Variants in CELSR1 observed in about 807,000 individuals in gnomAD.
The protein encoded by CELSR1 is adhesion G protein-coupled receptor C1.
Under a neutral mutation model 249.1 loss-of-function variants are expected in CELSR1, and 110 were observed. The observed-to-expected ratio is 0.44, with a 90% CI of 0.38 to 0.52. CELSR1 has a LOEUF of 0.52. Ranked by LOEUF, CELSR1 falls within the 20% of genes least tolerant of loss-of-function variation. The pLI is 0.00. For synonymous variants in CELSR1, 2,113 were observed against 1,900.0 expected, an observed-to-expected ratio of 1.11 and a Z score of -2.92; for missense variants, 4,109 against 4,296.4, an observed-to-expected ratio of 0.96 and a Z score of 1.22.
Position 46,369,689 on chromosome 22 carries a change from C to CA in CELSR1, c.7872+2dup. On this transcript the variant is annotated splice_region_variant and intron_variant, in intron 26 of 34. Coordinates refer to ENST00000674500, the MANE Select transcript of CELSR1 (RefSeq NM_001378328.1). ...CGGACTCCCGTGAAGGCCCCACACTCACGATTATAACAGCTCCGATGGGCC... is the reference window on the plus strand; with the variant it reads ...CGGACTCCCGTGAAGGCCCCACACTCAACGATTATAACAGCTCCGATGGGCC... 2 of 1,612,986 alleles carry CA rather than the reference C, an allele frequency of 1.2e-6. No individual in the cohort carries two copies.
chr22:46,367,245 A>C, intron 28 of CELSR1, 127 bp from the exon 29 acceptor site: 1 of 1,298,884 alleles, frequency 7.7e-7, no homozygotes, highest in Non-Finnish European at 1.0e-6. Flanking sequence ...GGCCCAGGAC[A>C]CGGCCAGGCC....
At chr22:46,524,401 G>A (rs1244157051) in intron 1 of CELSR1, among the ~76,000 whole-genome samples, 2 of 152,160 alleles carry the variant, frequency 1.3e-5, no homozygotes, top group African/African-American at 2.4e-5. Context: ...AACAAGGCCC[G>A]CAGCTCTGAG....
intron 2 of CELSR1, among the ~76,000 whole-genome samples, chr22:46,456,478 TGACACCCCGTCTC>T (rs2079951527): frequency 6.6e-6 from 1 of 151,564 alleles, no homozygotes; most frequent in Non-Finnish European, 1.5e-5. Context: ...GTTAACAAGG[TGACACCCCGTCTC>T]TACTAAAAAA....
intron 2 of CELSR1, 72 bp downstream of exon 2, chr22:46,463,635 A>C (rs1049599432): frequency 2.8e-6 from 4 of 1,416,790 alleles, no homozygotes; most frequent in Non-Finnish European, 3.7e-6. Flanking sequence ...TAAACAGAGG[A>C]AACCACCTGA....
chr22:46,392,260 T>G (rs1229763056), intron 14 of CELSR1, among the ~76,000 whole-genome samples: 1 of 152,236 alleles, frequency 6.6e-6, no homozygotes, highest in Non-Finnish European at 1.5e-5. Flanking sequence ...CCTGGGTTCA[T>G]GCCTGACCCT....
At position 46,526,905 on chromosome 22, in the gene CELSR1, T is replaced by C. The variant is rs1432836720; in HGVS notation, c.3544+6722A>G. Reference sequence around the variant, plus strand: ...ACACGGGGCCAAAAATGGCCTCACGTCTTCTCACCAAAGCCGATTCCCGGT... The same window carrying C: ...ACACGGGGCCAAAAATGGCCTCACGCCTTCTCACCAAAGCCGATTCCCGGT... On this transcript the variant is annotated intron_variant, in intron 1 of 34. Transcript: ENST00000674500. This position sits in a 1 kb window ranked among gnomAD's most constrained non-coding sequence, Gnocchi z 4.7. 6.6e-6 allele frequency among the ~76,000 whole-genome samples: 1 copy of C among 152,160 alleles called. No homozygotes were observed. The highest frequency in any genetic ancestry group is 1.5e-5 in the Non-Finnish European group (1 of 68,024).
At position 46,402,246 on chromosome 22, in the gene CELSR1, C is replaced by T. The variant is rs2079217558; in HGVS notation, c.5227-2344G>A. Among the ~76,000 whole-genome samples, 3 of 149,008 alleles carry T rather than the reference C, an allele frequency of 2.0e-5. No homozygotes were observed. In the South Asian group the frequency reaches 6.4e-4, roughly 32 times the overall value. On this transcript the variant is annotated intron_variant, in intron 9 of 34. Transcript: ENST00000674500. This position sits in a 1 kb window ranked among gnomAD's most constrained non-coding sequence, Gnocchi z 5.0. ...TTTTTTTTTTTTTGAGACAGAGTTTCACTCTTGTTGCCCAGGCTGGAGTGC... is the reference window on the plus strand; with the variant it reads ...TTTTTTTTTTTTTGAGACAGAGTTTTACTCTTGTTGCCCAGGCTGGAGTGC...
chr22:46,423,346 C>T lies in CELSR1; in HGVS notation c.4611+10047G>A, dbSNP rs919112479. ...CATGCTGGCCAGGCGCGGTGGCTCACGCCTGTAATCCCAGCACTTTGGGAG... is the reference window on the plus strand; with the variant it reads ...CATGCTGGCCAGGCGCGGTGGCTCATGCCTGTAATCCCAGCACTTTGGGAG... On this transcript the variant is annotated intron_variant, in intron 5 of 34. Transcript: ENST00000674500. The surrounding 1 kb of genome is among the most constrained non-coding windows in gnomAD (Gnocchi z 5.6). 1.3e-4 allele frequency among the ~76,000 whole-genome samples: 20 copies of T among 152,190 alleles called. No individual in the cohort carries two copies. Among genetic ancestry groups the T allele is most frequent in the African/African-American group, 3.9e-4 (16 of 41,532 alleles).
intron 1 of CELSR1, among the ~76,000 whole-genome samples, chr22:46,474,827 C>T (rs1427842834): frequency 8.0e-6 from 1 of 125,004 alleles, no homozygotes; most frequent in Non-Finnish European, 1.6e-5. Context: ...CTCACTCTGT[C>T]ATCCACCCTG....
In CELSR1 at chr22:46,518,663, G is replaced by C. The variant is rs962844870; in HGVS notation, c.3544+14964C>G. Among the ~76,000 whole-genome samples the C allele has an allele frequency of 2.0e-5, 3 of 152,192 alleles. No individual in the cohort carries two copies. The highest frequency in any genetic ancestry group is 4.4e-5 in the Non-Finnish European group (3 of 68,030). ...ACGGTGGCCCACGCCTGTAATCCGA[G>C]TGTGGCTGCGGTCTCTGCCTCCATC... On this transcript the variant is annotated intron_variant, in intron 1 of 34. Coordinates refer to ENST00000674500, the MANE Select transcript of CELSR1 (RefSeq NM_001378328.1). The surrounding 1 kb of genome is among the most constrained non-coding windows in gnomAD (Gnocchi z 5.2).
chr22:46,433,359 T>A lies in CELSR1; in HGVS notation c.4611+34A>T. The A allele has an allele frequency of 1.3e-6, 2 of 1,581,644 alleles. No homozygotes were observed. Among genetic ancestry groups the A allele is most frequent in the Non-Finnish European group, 1.7e-6 (2 of 1,154,560 alleles). ...CCCAGGGCACCTTCTCGAGCCGCCC[T>A]GGGGCCAGGGGGAAGTGGTGGGGCC... On this transcript the variant is annotated intron_variant, in intron 5 of 34. Transcript: ENST00000674500. This position sits in a 1 kb window ranked among gnomAD's most constrained non-coding sequence, Gnocchi z 5.7.
chr22:46,375,414 C>T (rs2078907983), intron 24 of CELSR1, among the ~76,000 whole-genome samples: 1 of 152,154 alleles, frequency 6.6e-6, no homozygotes, highest in Non-Finnish European at 1.5e-5. Context: ...CCGGTTGGTC[C>T]TGTCCCTCCT....
Position 46,430,123 on chromosome 22 carries a change from C to T in CELSR1, c.4611+3270G>A, listed in dbSNP as rs57019833. On this transcript the variant is annotated intron_variant, in intron 5 of 34. Transcript: ENST00000674500. The surrounding 1 kb of genome is among the most constrained non-coding windows in gnomAD (Gnocchi z 4.6). ...GACAGGCAACACCCGGGAGATCATG[C>T]TCAGATCTAAAATGCAGGTGGCCCA... Among the ~76,000 whole-genome samples the T allele has an allele frequency of 1.8e-3, 274 of 152,304 alleles. 3 individuals carry two copies. The highest frequency in any genetic ancestry group is 0.015 in the Admixed American group (230 of 15,304).
chr22:46,371,809 C>T (rs2078854159), intron 25 of CELSR1, among the ~76,000 whole-genome samples: 3 of 150,166 alleles, frequency 2.0e-5, no homozygotes, highest in Admixed American at 1.3e-4. Context: ...CCCATCCATC[C>T]ACTCACTCAT....
chr22:46,449,722 AG>A (rs562210255), intron 2 of CELSR1, among the ~76,000 whole-genome samples: 19 of 152,202 alleles, frequency 1.2e-4, no homozygotes, highest in South Asian at 1.2e-3. Flanking sequence ...GAAAAAGCAG[AG>A]GGGGAAGCTT....
intron 1 of CELSR1, among the ~76,000 whole-genome samples, chr22:46,523,573 A>C (rs1414437998): frequency 1.3e-5 from 2 of 151,934 alleles, no homozygotes; most frequent in African/African-American, 2.4e-5. Context: ...ATAAAAAGAA[A>C]GAAAAATCTT....
Position 46,536,045 on chromosome 22 carries a change from G to A in CELSR1, c.1126C>T (p.Arg376Cys), listed in dbSNP as rs148833987. The A allele has an allele frequency of 6.2e-7, 1 of 1,610,636 alleles. No homozygotes were observed. Among genetic ancestry groups the A allele is most frequent in the Non-Finnish European group, 8.5e-7 (1 of 1,179,892 alleles). ...ATGGGCGAGTCGCGGTCGCTGGCGC[G>A]GATGGTCAGCACCTCGTAGCCCACC... ...LEVGYEVLTIRASDRDSPINA... is the reference protein window; with the variant it reads ...LEVGYEVLTICASDRDSPINA... The change falls in exon 1 of 35, where the codon CGC (arginine) becomes TGC (cysteine). Residue 376 changes from arginine to cysteine, a missense_variant. Coordinates refer to ENST00000674500, the MANE Select transcript of CELSR1 (RefSeq NM_001378328.1).
In CELSR1 at chr22:46,363,984, C is replaced by T. The variant is rs751351497; in HGVS notation, c.9035+12G>A. On this transcript the variant is annotated intron_variant, in intron 34 of 34. Transcript: ENST00000674500. This position sits in a 1 kb window ranked among gnomAD's most constrained non-coding sequence, Gnocchi z 4.3. ...GTGGGTGATCCCCGCCCTGGAGGCC[C>T]AGGCTACTCACTCAGAGTCGGAGCC... The T allele has an allele frequency of 5.0e-6, 8 of 1,586,744 alleles. No homozygotes were observed. The highest frequency in any genetic ancestry group is 6.0e-6 in the Non-Finnish European group (7 of 1,167,618).
rs1295614861 is a variant in CELSR1 at position 46,527,530 on chromosome 22, G to A, written c.3544+6097C>T. Among the ~76,000 whole-genome samples the A allele has an allele frequency of 2.0e-5, 3 of 152,208 alleles. No individual in the cohort carries two copies. The highest frequency in any genetic ancestry group is 7.2e-5 in the African/African-American group (3 of 41,454). On this transcript the variant is annotated intron_variant, in intron 1 of 34. Coordinates refer to ENST00000674500, the MANE Select transcript of CELSR1 (RefSeq NM_001378328.1). The surrounding 1 kb of genome is among the most constrained non-coding windows in gnomAD (Gnocchi z 5.5). ...CCTGGTGTCACCACTCTACCCCTGAGCTCAGCCCCCTTGCTCATCGGATGG... is the reference window on the plus strand; with the variant it reads ...CCTGGTGTCACCACTCTACCCCTGAACTCAGCCCCCTTGCTCATCGGATGG...
Sources: allele counts gnomAD v4.1 joint callset (sites outside exome capture counted in the v4.1 genomes callset), GRCh38; gene constraint gnomAD v4.1.1; non-coding constraint Gnocchi (gnomAD v3.1); transcripts MANE v1.5; gene names NCBI Gene and HGNC (gene_info 2026-07-23, HGNC 2026-07-21).